The following TMEM237 variants were observed in gnomAD, a reference collection of about 807,000 sequenced individuals.
TMEM237 encodes the protein amyotrophic lateral sclerosis 2 (juvenile) chromosome region, candidate 4.
In TMEM237, 51 loss-of-function variants were observed where a neutral mutation model predicts 59.1. The ratio of observed to expected loss-of-function variants is 0.86; its 90% confidence interval spans 0.69 to 1.09. TMEM237 has a LOEUF of 1.09. TMEM237 is among the 50% of genes least tolerant of loss of function. The pLI, the probability that TMEM237 is intolerant of heterozygous loss-of-function variation, is 0.00. For synonymous variants in TMEM237, 140 were observed against 166.1 expected (o/e 0.84, Z 1.21); for missense variants, 475 against 478.3 (o/e 0.99, Z 0.06).
chr2:201,636,632 G>T, intron 5 of TMEM237, 116 bp downstream of exon 5: 1 of 1,225,492 alleles, frequency 8.2e-7, no homozygotes, highest in Non-Finnish European at 1.1e-6. Context: ...AAACATAAAA[G>T]CAAGAAACCA....
intron 4 of TMEM237, among the ~76,000 whole-genome samples, chr2:201,637,660 G>A (rs530342908): frequency 1.3e-5 from 2 of 150,546 alleles, no homozygotes; most frequent in East Asian, 2.0e-4. Context: ...CAGGAGAATC[G>A]CTTGAACCCA....
chr2:201,636,602 A>G, intron 5 of TMEM237, 146 bp downstream of exon 5: 3 of 861,616 alleles, frequency 3.5e-6, no homozygotes, highest in South Asian at 1.8e-5. Context: ...CATTGGAGTT[A>G]TTCTAGTGGT....
At chr2:201,625,942 T>A in intron 12 of TMEM237, 84 bp downstream of exon 12, 1 of 1,297,946 alleles carries the variant, frequency 7.7e-7, no homozygotes, top group South Asian at 1.6e-5. Context: ...TGGAATATTA[T>A]AAGCTATACC....
At chr2:201,641,024 C>T (rs1687403131) in intron 1 of TMEM237, 100 bp from the exon 2 acceptor site, 4 of 1,035,878 alleles carry the variant, frequency 3.9e-6, no homozygotes, top group Non-Finnish European at 5.6e-6. Context: ...TGGTGTATTG[C>T]TGTGTGGCCC....
chr2:201,636,175 T>C (rs1326207350), intron 5 of TMEM237: 1 of 152,236 alleles, frequency 6.6e-6, no homozygotes, highest in Non-Finnish European at 1.5e-5. Context: ...GCAGTTAACA[T>C]CCTTTAATTA....
chr2:201,643,463 ACG>A lies in TMEM237; in HGVS notation c.-65_-64del. 1 of 1,371,496 alleles carries A rather than the reference ACG, an allele frequency of 7.3e-7. No homozygotes were observed. Among genetic ancestry groups the A allele is most frequent in the Non-Finnish European group, 9.5e-7 (1 of 1,054,148 alleles). The allele number at this position is 1,371,496 out of a possible 1,614,324, so 85.0% of individuals were successfully genotyped here. Reference sequence around the variant, plus strand: ...GGCGGCCCGAGCCCAGCTCCCCGCGACGCAGCGGCCTCCGGGACCTGTGGGAC... The same window carrying A: ...GGCGGCCCGAGCCCAGCTCCCCGCGACAGCGGCCTCCGGGACCTGTGGGAC... On this transcript the variant is annotated 5_prime_UTR_variant, in exon 1 of 13. Coordinates refer to ENST00000409883, the MANE Select transcript of TMEM237 (RefSeq NM_001044385.3). The surrounding 1 kb of genome is among the most constrained non-coding windows in gnomAD (Gnocchi z 4.3).
intron 6 of TMEM237, among the ~76,000 whole-genome samples, chr2:201,632,863 A>C (rs1208082): frequency 0.73 from 111,716 of 152,084 alleles, 41,468 homozygotes; most frequent in African/African-American, 0.84. Context: ...TATATATATG[A>C]CTTCCAGTGT....
chr2:201,630,351 T>C (rs1957797332), intron 7 of TMEM237, among the ~76,000 whole-genome samples: 1 of 152,212 alleles, frequency 6.6e-6, no homozygotes, highest in Admixed American at 6.5e-5. Context: ...GCTTCATAAA[T>C]TTCTCTTTAG....
At position 201,629,520 on chromosome 2, in the gene TMEM237, T is replaced by C. The variant is rs1195822892; in HGVS notation, c.678-99A>G. 12 of 1,361,292 alleles carry C rather than the reference T, an allele frequency of 8.8e-6. No homozygotes were observed. In the Admixed American group the frequency reaches 4.0e-4, roughly 45 times the overall value. The allele number at this position is 1,361,292 out of a possible 1,614,324, so 84.3% of individuals were successfully genotyped here. ...CATATACAAGAATAAAATTCAACAT[T>C]TCATGACAAGTAAAAGCAAGCTCTT... On this transcript the variant is annotated intron_variant, in intron 8 of 12. Coordinates refer to ENST00000409883, the MANE Select transcript of TMEM237 (RefSeq NM_001044385.3).
chr2:201,639,146 T>G, intron 3 of TMEM237, 101 bp from the exon 4 acceptor site: 15 of 1,098,028 alleles, frequency 1.4e-5, no homozygotes, highest in Non-Finnish European at 1.6e-5. Flanking sequence ...TCTCCCTCTC[T>G]TCCCTGGGCC....
chr2:201,633,657 T>C lies in TMEM237; in HGVS notation c.275-226A>G, dbSNP rs1312274150. 2.0e-5 allele frequency among the ~76,000 whole-genome samples: 3 copies of C among 152,194 alleles called. No homozygotes were observed. In the East Asian group the frequency reaches 5.8e-4, roughly 29 times the overall value. ...TATGGAAAAAAATTAAGTAACCCAA[T>C]ACCCAGGCTGTGCTGAAGATTCCCA... On this transcript the variant is annotated intron_variant, in intron 5 of 12. Transcript: ENST00000409883.
In TMEM237 at chr2:201,639,195, T is replaced by C. The variant is rs1247422280; in HGVS notation, c.80-150A>G. 7.2e-6 allele frequency: 5 copies of C among 691,546 alleles called. No individual in the cohort carries two copies. In the East Asian group the frequency reaches 1.1e-4, roughly 15 times the overall value. The allele number at this position is 691,546 out of a possible 1,614,324, so 42.8% of individuals were successfully genotyped here. A position where few individuals can be genotyped will look rare whatever the true frequency, so the allele number is the denominator to read the frequency against. ...TAGATTAGGGGAAGAAGGCAAGAAA[T>C]TGAGAAGATCAGAGAGAGCCCACAG... On this transcript the variant is annotated intron_variant, in intron 3 of 12. Transcript: ENST00000409883.
chr2:201,625,122 G>GGAGGCC (rs1299749969), intron 12 of TMEM237, among the ~76,000 whole-genome samples: 1 of 152,274 alleles, frequency 6.6e-6, no homozygotes, highest in African/African-American at 2.4e-5. Flanking sequence ...CAGCACTTTG[G>GGAGGCC]GAGGCCGAGG....
intron 12 of TMEM237, 46 bp downstream of exon 12, chr2:201,625,980 A>G (rs1210266901): frequency 1.3e-6 from 2 of 1,536,304 alleles, no homozygotes; most frequent in African/African-American, 1.4e-5. Flanking sequence ...TAAAACCATT[A>G]TAGAAGATTT....
intron 10 of TMEM237, among the ~76,000 whole-genome samples, chr2:201,627,769 T>C (rs886766144): frequency 6.6e-6 from 1 of 152,162 alleles, no homozygotes; most frequent in Non-Finnish European, 1.5e-5. Context: ...TAAAATATTG[T>C]TTGTTATTAA....
intron 6 of TMEM237, among the ~76,000 whole-genome samples, chr2:201,632,660 T>C (rs1270665145): frequency 6.6e-6 from 1 of 152,212 alleles, no homozygotes; most frequent in Non-Finnish European, 1.5e-5. Context: ...GAAGGGTGTG[T>C]TTGCTTCACC....
In TMEM237 at chr2:201,621,094, T is replaced by C. The variant is rs1464478466; in HGVS notation, c.*3161A>G. The C allele has an allele frequency of 6.6e-6, 1 of 152,182 alleles. No individual in the cohort carries two copies. Among genetic ancestry groups the C allele is most frequent in the African/African-American group, 2.4e-5 (1 of 41,444 alleles). 9.4% of individuals were successfully genotyped at this position (152,182 alleles called of 1,614,324 possible). On this transcript the variant is annotated 3_prime_UTR_variant, in exon 13 of 13. Coordinates refer to ENST00000409883, the MANE Select transcript of TMEM237 (RefSeq NM_001044385.3). ...TTCTTAGGGTTCATGTTATGCAACA[T>C]AAAGTACACAGCATCACAGATGAAG... is the stretch of plus-strand genomic sequence containing the variant.
intron 4 of TMEM237, among the ~76,000 whole-genome samples, chr2:201,637,169 G>C (rs1185004025): frequency 6.6e-6 from 1 of 152,138 alleles, no homozygotes; most frequent in African/African-American, 2.4e-5. Context: ...AGAACATTTA[G>C]AACTTTGAAA....
rs1379082022 is a variant in TMEM237 at position 201,621,888 on chromosome 2, A to G, written c.*2367T>C. On this transcript the variant is annotated 3_prime_UTR_variant, in exon 13 of 13. Coordinates refer to ENST00000409883, the MANE Select transcript of TMEM237 (RefSeq NM_001044385.3). ...GCCTCAGCAATGTGCCTCAAGTGTC[A>G]CTGTGAGATCATTCCCTGCTTCCTG... is the stretch of plus-strand genomic sequence containing the variant. 6.6e-6 allele frequency: 1 copy of G among 152,600 alleles called. No individual in the cohort carries two copies. Among genetic ancestry groups the G allele is most frequent in the Non-Finnish European group, 1.5e-5 (1 of 68,046 alleles). The allele number at this position is 152,600 out of a possible 1,614,324, so 9.5% of individuals were successfully genotyped here.
Sources: gnomAD v4.1 joint callset for allele counts (sites outside exome capture counted in the v4.1 genomes callset) on GRCh38, gnomAD v4.1.1 for gene constraint, Gnocchi (gnomAD v3.1) non-coding constraint, MANE v1.5 for transcripts, NCBI Gene and HGNC (gene_info 2026-07-23, HGNC 2026-07-21) for gene names.